CSMD3: variants seen among roughly 807,000 people sequenced by gnomAD.
The protein encoded by CSMD3 is CUB and Sushi multiple domains 3.
In CSMD3, 177 loss-of-function variants were observed where a neutral mutation model predicts 435.2. That is an observed-to-expected ratio of 0.41 (90% CI 0.36 to 0.46). CSMD3 has a LOEUF of 0.46. Among genes scored for constraint, CSMD3 ranks in the 20% least tolerant of loss-of-function variants. CSMD3 has a pLI of 0.34. For synonymous variants in CSMD3, 1,656 were observed against 1,520.5 expected, an observed-to-expected ratio of 1.09 and a Z score of -2.07; for missense variants, 4,265 against 4,504.6, an observed-to-expected ratio of 0.95 and a Z score of 1.52.
intron 3 of CSMD3, among the ~76,000 whole-genome samples, chr8:113,261,587 A>G (rs1364871059): frequency 6.6e-6 from 1 of 152,048 alleles, no homozygotes; most frequent in Non-Finnish European, 1.5e-5. Context: ...GATAAGTGTC[A>G]CTTCTTCCCT....
At chr8:113,035,419 T>A (rs564125127) in intron 5 of CSMD3, among the ~76,000 whole-genome samples, 1 of 152,080 alleles carries the variant, frequency 6.6e-6, no homozygotes, top group African/African-American at 2.4e-5. Flanking sequence ...TACTATATGA[T>A]TTAATGACAT....
chr8:112,267,028 T>G (rs1817017119), intron 59 of CSMD3, among the ~76,000 whole-genome samples: 1 of 152,134 alleles, frequency 6.6e-6, no homozygotes, highest in African/African-American at 2.4e-5. Context: ...TCTACTCCTC[T>G]TTCTGTCTTT....
chr8:112,543,185 G>A (rs935725482), intron 27 of CSMD3, among the ~76,000 whole-genome samples: 10 of 151,690 alleles, frequency 6.6e-5, no homozygotes, highest in Non-Finnish European at 1.5e-4. Flanking sequence ...GCTTTATAAC[G>A]TTGGTATTCA....
chr8:112,834,703 T>TA (rs1198911093), intron 11 of CSMD3, among the ~76,000 whole-genome samples: 2 of 151,792 alleles, frequency 1.3e-5, no homozygotes, highest in African/African-American at 2.4e-5. Context: ...AAAGTTAATA[T>TA]AAAAAATCAA....
intron 5 of CSMD3, among the ~76,000 whole-genome samples, chr8:113,058,040 A>G (rs1347675303): frequency 6.6e-6 from 1 of 151,876 alleles, no homozygotes; most frequent in Admixed American, 6.6e-5. Flanking sequence ...ATGATCTGAA[A>G]GGGAGGATTT....
intron 3 of CSMD3, among the ~76,000 whole-genome samples, chr8:113,262,958 G>A (rs191206191): frequency 1.3e-4 from 19 of 151,880 alleles, no homozygotes; most frequent in African/African-American, 4.1e-4. Flanking sequence ...AATTGTGGTC[G>A]TTTGTTATGC....
chr8:112,362,037 A>C (rs1365371847), intron 38 of CSMD3, among the ~76,000 whole-genome samples: 1 of 151,944 alleles, frequency 6.6e-6, no homozygotes, highest in Non-Finnish European at 1.5e-5. Flanking sequence ...CACATCTATC[A>C]TTATAAAGAT....
chr8:112,227,343 C>T (rs1812666777), intron 70 of CSMD3, among the ~76,000 whole-genome samples: 3 of 152,080 alleles, frequency 2.0e-5, no homozygotes, highest in Admixed American at 6.5e-5. Flanking sequence ...ATTCCATTTA[C>T]GTAAAAAATA....
At chr8:113,319,761 T>C (rs1480055678) in intron 1 of CSMD3, among the ~76,000 whole-genome samples, 2 of 152,108 alleles carry the variant, frequency 1.3e-5, no homozygotes, top group East Asian at 3.8e-4. Context: ...TGCTGATTAC[T>C]GTTGAGATTA....
chr8:112,445,723 C>T (rs1172545519), intron 32 of CSMD3, among the ~76,000 whole-genome samples: 4 of 152,130 alleles, frequency 2.6e-5, no homozygotes, highest in Non-Finnish European at 1.5e-5. Flanking sequence ...GAGAAATACA[C>T]TGAGTCATTT....
intron 1 of CSMD3, among the ~76,000 whole-genome samples, chr8:113,384,029 C>T (rs1251797504): frequency 6.6e-6 from 1 of 152,144 alleles, no homozygotes; most frequent in Non-Finnish European, 1.5e-5. Context: ...ACCTGGAATA[C>T]ACAAATTTAT....
rs1169910375 is a variant in CSMD3, at chr8:112,837,596, A to G, written c.1756-7807T>C. Among the ~76,000 whole-genome samples, 3 of 151,816 alleles carry G rather than the reference A, an allele frequency of 2.0e-5. No individual in the cohort carries two copies. In the Admixed American group the frequency reaches 2.0e-4, roughly 10 times the overall value. ...CATAGGATGCTTGATATATAGTAGG[A>G]CCTCATAAATGGCAGTTATTATTAG... On this transcript the variant is annotated intron_variant, in intron 11 of 70. Transcript: ENST00000297405.
chr8:112,424,307 A>T (rs1313976954), intron 32 of CSMD3, among the ~76,000 whole-genome samples: 2 of 152,184 alleles, frequency 1.3e-5, no homozygotes, highest in Non-Finnish European at 2.9e-5. Flanking sequence ...TACCAAAGGC[A>T]AGAAGAATTA....
chr8:112,780,164 T>C (rs1045303148), intron 13 of CSMD3, among the ~76,000 whole-genome samples: 1 of 152,076 alleles, frequency 6.6e-6, no homozygotes, highest in African/African-American at 2.4e-5. Context: ...TATTTGTCAA[T>C]GTGACAATTA....
intron 11 of CSMD3, among the ~76,000 whole-genome samples, chr8:112,836,841 A>T (rs1444249854): frequency 6.6e-6 from 1 of 151,776 alleles, no homozygotes; most frequent in Non-Finnish European, 1.5e-5. Context: ...CGTTTTAATA[A>T]ATTCTCAGTT....
At chr8:113,087,709 A>C (rs1455932966) in intron 5 of CSMD3, among the ~76,000 whole-genome samples, 1 of 152,164 alleles carries the variant, frequency 6.6e-6, no homozygotes, top group Non-Finnish European at 1.5e-5. Flanking sequence ...AAATTAATTC[A>C]AGATGGATTA....
chr8:112,935,717 A>G (rs113769880), intron 9 of CSMD3, among the ~76,000 whole-genome samples: 5,102 of 151,254 alleles, frequency 0.034, 141 homozygotes, highest in Middle Eastern at 0.051. Context: ...AAAAAAAAAC[A>G]GGTTGTATGG....
chr8:113,341,900 G>A (rs913986720), intron 1 of CSMD3, among the ~76,000 whole-genome samples: 2 of 152,030 alleles, frequency 1.3e-5, no homozygotes, highest in Non-Finnish European at 2.9e-5. Context: ...GCTTCTTGAT[G>A]GTGAAAAAAT....
intron 13 of CSMD3, among the ~76,000 whole-genome samples, chr8:112,795,242 T>A (rs1200103945): frequency 6.6e-6 from 1 of 152,084 alleles, no homozygotes; most frequent in Non-Finnish European, 1.5e-5. Flanking sequence ...GTTAGCAAAT[T>A]GATCCCAGGG....
Sources: gnomAD v4.1 joint callset for allele counts (sites outside exome capture counted in the v4.1 genomes callset) on GRCh38, gnomAD v4.1.1 for gene constraint, MANE v1.5 for transcripts, NCBI Gene and HGNC (gene_info 2026-07-23, HGNC 2026-07-21) for gene names.